Variants in KIF1C observed in about 807,000 individuals in gnomAD.
KIF1C encodes the protein kinesin-like protein KIF1C.
In KIF1C, 61 loss-of-function variants were observed where a neutral mutation model predicts 126.5. The ratio of observed to expected loss-of-function variants is 0.48; its 90% CI spans 0.39 to 0.60. The LOEUF is 0.60. Among genes scored for constraint, KIF1C ranks in the 20% least tolerant of loss-of-function variants. The pLI, the probability that KIF1C is intolerant of heterozygous loss-of-function variation, is 0.00. For synonymous variants in KIF1C, 640 were observed against 580.6 expected (o/e 1.10, Z -1.47); for missense variants, 1,315 against 1,489.2 (o/e 0.88, Z 1.93).
At position 5,004,624 on chromosome 17, in the gene KIF1C, A is replaced by T; in HGVS notation, c.998A>T (p.Glu333Val). ...CTGAGCCCTGCTGACATCAATTACG[A>T]GGAGACTCTCAGCACCCTCAGGTGA... is the stretch of plus-strand genomic sequence containing the variant. Reference protein sequence around the residue: ...AALSPADINYEETLSTLRYAD... With the variant: ...AALSPADINYVETLSTLRYAD... Residue 333 changes from glutamate to valine, a missense_variant, in exon 12 of 23, where the codon GAG (glutamate) becomes GTG (valine). Physicochemically the swap from Glu to Val is moderately radical, Grantham distance 121. Around this residue, in one of 2 missense-constraint regions of KIF1C, gnomAD observed 874 missense variants for 1,053.2 expected, o/e 0.83. Coordinates refer to ENST00000320785, the MANE Select transcript of KIF1C (RefSeq NM_006612.6). 1 of 1,614,120 alleles carries T rather than the reference A, an allele frequency of 6.2e-7. No homozygotes were observed. The highest frequency in any genetic ancestry group is 2.2e-5 in the East Asian group (1 of 44,890).
intron 16 of KIF1C, among the ~76,000 whole-genome samples, chr17:5,010,524 G>A (rs778911921): frequency 7.2e-5 from 11 of 151,854 alleles, no homozygotes; most frequent in South Asian, 4.1e-4. Context: ...CGAGGCGGGC[G>A]GATCACGAGG....
intron 16 of KIF1C, among the ~76,000 whole-genome samples, 177 bp from the exon 17 acceptor site, chr17:5,013,476 C>T (rs772668895): frequency 6.6e-6 from 1 of 152,058 alleles, no homozygotes; most frequent in Non-Finnish European, 1.5e-5. Flanking sequence ...CAAAGAACGT[C>T]ATCGGGGTGG....
At chr17:5,001,910 T>C in intron 5 of KIF1C, 149 bp from the exon 6 acceptor site, 3 of 690,970 alleles carry the variant, frequency 4.3e-6, no homozygotes, top group Non-Finnish European at 7.5e-6. Context: ...TGAGGTTGTT[T>C]TCCCATCTGT....
chr17:5,007,680 C>T lies in KIF1C; in HGVS notation c.1491+138C>T, dbSNP rs534922137. 12 of 581,616 alleles carry T rather than the reference C, an allele frequency of 2.1e-5. No individual in the cohort carries two copies. In the African/African-American group the frequency reaches 2.2e-4, roughly 11 times the overall value. 36.0% of individuals were successfully genotyped at this position (581,616 alleles called of 1,614,324 possible). On this transcript the variant is annotated intron_variant, in intron 16 of 22. Transcript: ENST00000320785. ...GCTTGTCCCTCCATCATTTCTGTCC[C>T]CTCCCCTGCCACCTCCTCTCCGTCT...
chr17:5,003,718 G>T, intron 9 of KIF1C, 29 bp downstream of exon 9: 1 of 1,600,504 alleles, frequency 6.2e-7, no homozygotes, highest in Non-Finnish European at 8.6e-7. Context: ...GTGGTTTGTT[G>T]TGGGGCAGTG....
intron 18 of KIF1C, among the ~76,000 whole-genome samples, chr17:5,015,608 T>A (rs1238136097): frequency 2.3e-4 from 33 of 140,710 alleles, no homozygotes; most frequent in South Asian, 4.5e-4. Flanking sequence ...TTTTTTTTTT[T>A]ATCATTTGAG....
Position 5,002,083 on chromosome 17 carries a change from G to T in KIF1C, c.388G>T (p.Val130Phe), listed in dbSNP as rs775959015. Reference protein sequence around the residue: ...PQLCEDLFSRVSENQSAQLSY... With the variant: ...PQLCEDLFSRFSENQSAQLSY... The stretch of plus-strand genomic sequence containing the variant: ...GCTCTGTGAGGACCTCTTCTCTCGC[G>T]TTAGTGAGAACCAGAGTGCTCAGCT... The change falls in exon 6 of 23, where the codon GTT (valine) becomes TTT (phenylalanine). Residue 130 changes from valine (V) to phenylalanine (F), a missense_variant. Val to Phe is a conservative substitution (Grantham distance 50). Around this residue, in one of 2 missense-constraint regions of KIF1C, gnomAD observed 874 missense variants for 1,053.2 expected, o/e 0.83. Transcript: ENST00000320785. The T allele has an allele frequency of 6.2e-7, 1 of 1,614,060 alleles. No homozygotes were observed. The highest frequency in any genetic ancestry group is 1.7e-5 in the Admixed American group (1 of 60,004).
intron 18 of KIF1C, among the ~76,000 whole-genome samples, chr17:5,016,535 G>C (rs1044977097): frequency 1.3e-5 from 2 of 151,848 alleles, no homozygotes; most frequent in African/African-American, 4.8e-5. Context: ...ACAGGCGTGA[G>C]CCACCGCACC....
At chr17:4,998,548 C>T (rs964895732) in intron 1 of KIF1C, among the ~76,000 whole-genome samples, 20 of 152,238 alleles carry the variant, frequency 1.3e-4, no homozygotes, top group Non-Finnish European at 2.6e-4. Context: ...GGCCCCCAGC[C>T]GTGCCACCCC....
intron 18 of KIF1C, 130 bp downstream of exon 18, chr17:5,014,967 C>A: frequency 1.4e-6 from 1 of 722,266 alleles, no homozygotes; most frequent in Non-Finnish European, 2.3e-6. Context: ...GTGGCCTTGT[C>A]CTCAGAGGGG....
chr17:5,021,147 T>G (rs1975081007), intron 21 of KIF1C, among the ~76,000 whole-genome samples: 1 of 151,076 alleles, frequency 6.6e-6, no homozygotes. Flanking sequence ...GTACCACCTG[T>G]GTTGGTATTA....
rs1974622659 is a variant in KIF1C at position 5,002,556 on chromosome 17, G to C, written c.522G>C (p.Leu174=). The change falls in exon 7 of 23, where the codon CTG becomes CTC. Residue 174 remains leucine, a synonymous_variant. Coordinates refer to ENST00000320785, the MANE Select transcript of KIF1C (RefSeq NM_006612.6). ...GSLRVREHPI[L]GPYVQDLSKL... ...TGCGGGTCCGGGAGCACCCCATCCT[G>C]GGCCCGTACGTGCAGGACCTGTCCA... 6.2e-7 allele frequency: 1 copy of C among 1,613,958 alleles called. No homozygotes were observed. Among genetic ancestry groups the C allele is most frequent in the Non-Finnish European group, 8.5e-7 (1 of 1,179,980 alleles).
In KIF1C at chr17:5,022,300, G is replaced by A. The variant is rs756282892; in HGVS notation, c.2219G>A (p.Arg740His). Residue 740 changes from arginine (R) to histidine (H), a missense_variant, in exon 22 of 23, where the codon CGC becomes CAC. Arg to His is a conservative substitution (Grantham distance 29, BLOSUM62 0). Around this residue, in one of 2 missense-constraint regions of KIF1C, gnomAD observed 874 missense variants for 1,053.2 expected, o/e 0.83. Transcript: ENST00000320785. The surrounding 1 kb of genome is among the most constrained non-coding windows in gnomAD (Gnocchi z 4.9). ...CGCAGGCTGCAGGGCAAAGACCCCC[G>A]CTGGGCCACCATGGCTGACCTGAAG... ...QRRRLQGKDP[R>H]WATMADLKMQ... 8.1e-6 allele frequency: 13 copies of A among 1,611,542 alleles called. No individual in the cohort carries two copies. Among genetic ancestry groups the A allele is most frequent in the South Asian group, 6.6e-5 (6 of 90,722 alleles).
At position 5,028,121 on chromosome 17, in the gene KIF1C, C is replaced by T. The variant is rs1157632149; in HGVS notation, c.*3970C>T. 1.3e-5 allele frequency: 2 copies of T among 152,158 alleles called. No homozygotes were observed. The highest frequency in any genetic ancestry group is 2.4e-5 in the African/African-American group (1 of 41,432). The allele number at this position is 152,158 out of a possible 1,614,324, so 9.4% of individuals were successfully genotyped here. On this transcript the variant is annotated 3_prime_UTR_variant, in exon 23 of 23. Transcript: ENST00000320785. ...GTCCTGTGAGTGACAGCAGCTATTT[C>T]GTGGGCCTCCTCTGGAATCATGAGA...
Position 4,999,899 on chromosome 17 carries a change from G to T in KIF1C, c.-99G>T. ...TGTGGCCAGGCCCCAGGAGTAGGAT[G>T]GGGCTCCCCCTACGAGGGCCGGTGG... On this transcript the variant is annotated 5_prime_UTR_variant, in exon 2 of 23. It removes an upstream start codon present in the reference 5' UTR. Transcript: ENST00000320785. 1 of 271,212 alleles carries T rather than the reference G, an allele frequency of 3.7e-6. No individual in the cohort carries two copies. The allele number at this position is 271,212 out of a possible 1,614,324, so 16.8% of individuals were successfully genotyped here.
rs980675901 is a variant in KIF1C at position 5,022,446 on chromosome 17, C to T, written c.2365C>T (p.Pro789Ser). 2 of 1,582,388 alleles carry T rather than the reference C, an allele frequency of 1.3e-6. No individual in the cohort carries two copies. The highest frequency in any genetic ancestry group is 2.7e-5 in the African/African-American group (2 of 74,372). Residue 789 changes from proline (P) to serine (S), a missense_variant, in exon 22 of 23, where the codon CCA becomes TCA. Around this residue, in one of 2 missense-constraint regions of KIF1C, gnomAD observed 874 missense variants for 1,053.2 expected, o/e 0.83. Transcript: ENST00000320785. The surrounding 1 kb of genome is among the most constrained non-coding windows in gnomAD (Gnocchi z 4.9). ...GGAGCTGTGTCGCACCTATGGCAAG[C>T]CAGACGGCCCCGGAGACGCCTGGAG... ...MRELCRTYGK[P>S]DGPGDAWRAV... is the part of the protein sequence containing the mutation.
intron 18 of KIF1C, among the ~76,000 whole-genome samples, chr17:5,015,152 C>G (rs1974946243): frequency 6.6e-6 from 1 of 152,222 alleles, no homozygotes; most frequent in Admixed American, 6.5e-5. Flanking sequence ...CCTTCTTGAT[C>G]TTGTTCACCA....
At chr17:4,998,516 A>G (rs1001974347) in intron 1 of KIF1C, among the ~76,000 whole-genome samples, 2 of 151,786 alleles carry the variant, frequency 1.3e-5, no homozygotes, top group African/African-American at 4.8e-5. Context: ...CCCTGTCCCT[A>G]CCTCTATTCC....
rs374791777 is a variant in KIF1C, at chr17:5,028,001, C to T, written c.*3850C>T. On this transcript the variant is annotated 3_prime_UTR_variant, in exon 23 of 23. Coordinates refer to ENST00000320785, the MANE Select transcript of KIF1C (RefSeq NM_006612.6). ...AACATCAGACATCACCATCACCTCG[C>T]TTAGAATCCATGGGGCCTTCTCCTC... The T allele has an allele frequency of 6.6e-5, 10 of 152,224 alleles. No individual in the cohort carries two copies. The East Asian group carries it at 1.2e-3, about 18-fold the overall frequency. The allele number at this position is 152,224 out of a possible 1,614,324, so 9.4% of individuals were successfully genotyped here. A position where few individuals can be genotyped will look rare whatever the true frequency, so the allele number is the denominator to read the frequency against.
Sources: gnomAD v4.1 joint callset for allele counts (sites outside exome capture counted in the v4.1 genomes callset) on GRCh38, gnomAD v4.1.1 for gene constraint, gnomAD v4.1.1 regional missense constraint, Gnocchi (gnomAD v3.1) non-coding constraint, MANE v1.5 for transcripts, NCBI Gene and HGNC (gene_info 2026-07-23, HGNC 2026-07-21) for gene names.